LAMA2: variants seen among roughly 807,000 people sequenced by gnomAD.
The protein encoded by LAMA2 is laminin subunit alpha 2.
A neutral mutation model predicts 364.8 loss-of-function variants in LAMA2; 269 were observed. The ratio of observed to expected loss-of-function variants is 0.74; its 90% confidence interval spans 0.67 to 0.82. The LOEUF is 0.82. LAMA2 is among the 40% of genes least tolerant of loss of function. LAMA2 has a pLI of 0.00. For synonymous variants in LAMA2, 1,379 were observed against 1,370.6 expected (o/e 1.01, Z -0.14); for missense variants, 3,807 against 3,873.2 (o/e 0.98, Z 0.45).
In LAMA2 at chr6:128,921,035, A is replaced by G. The variant is rs80070908; in HGVS notation, c.112+37678A>G. 2.0e-3 allele frequency among the ~76,000 whole-genome samples: 300 copies of G among 152,312 alleles called. 1 individual carries two copies. Among genetic ancestry groups the G allele is most frequent in the African/African-American group, 6.9e-3 (285 of 41,578 alleles). ...CACTATTGCTTGCACTTATCTTAGCAGGGGCACTTAAAAAGCCTGAAACGC... is the reference window on the plus strand; with the variant it reads ...CACTATTGCTTGCACTTATCTTAGCGGGGGCACTTAAAAAGCCTGAAACGC... On this transcript the variant is annotated intron_variant, in intron 1 of 64. Coordinates refer to ENST00000421865, the MANE Select transcript of LAMA2 (RefSeq NM_000426.4).
chr6:129,140,032 C>G (rs1345827215), intron 4 of LAMA2, among the ~76,000 whole-genome samples: 2 of 152,154 alleles, frequency 1.3e-5, no homozygotes, highest in Non-Finnish European at 2.9e-5. Flanking sequence ...TCCATTCACT[C>G]AAGAAACTTG....
At chr6:128,904,171 G>A (rs550005816) in intron 1 of LAMA2, among the ~76,000 whole-genome samples, 1 of 152,062 alleles carries the variant, frequency 6.6e-6, no homozygotes, top group African/African-American at 2.4e-5. Context: ...CACCTCCTCC[G>A]CCTCTTTTCT....
At chr6:128,936,051 C>T (rs568165038) in intron 1 of LAMA2, among the ~76,000 whole-genome samples, 149 of 152,342 alleles carry the variant, frequency 9.8e-4, no homozygotes, top group South Asian at 4.8e-3. Flanking sequence ...CTTCCCCCTT[C>T]GCTTGGCACT....
intron 6 of LAMA2, among the ~76,000 whole-genome samples, chr6:129,148,524 A>T (rs2114967026): frequency 1.3e-5 from 2 of 152,202 alleles, no homozygotes; most frequent in East Asian, 1.9e-4. Context: ...GAGCATGCAC[A>T]GACAGGAGAT....
chr6:129,030,005 A>G (rs1388293774), intron 1 of LAMA2, among the ~76,000 whole-genome samples: 1 of 152,048 alleles, frequency 6.6e-6, no homozygotes, highest in Non-Finnish European at 1.5e-5. Context: ...ACTCAGAATC[A>G]GTTCCTTCCT....
At position 129,453,098 on chromosome 6, in the gene LAMA2, T is replaced by A. The variant is rs1782769497; in HGVS notation, c.6540T>A (p.Asp2180Glu). The change falls in exon 46 of 65, where the codon GAT becomes GAA. Residue 2180 changes from aspartate to glutamate, a missense_variant. By Grantham distance (45) the Asp-to-Glu change is conservative (BLOSUM62 2). Around this residue, in one of 3 missense-constraint regions of LAMA2, gnomAD observed 3,333 missense variants for 3,345.7 expected, o/e 1.00. Transcript: ENST00000421865. ...TCAACGTAAAGACAGCTGTTGCTGATAACCTCCTCTTTTATCTTGGAAGTG... is the reference window on the plus strand; with the variant it reads ...TCAACGTAAAGACAGCTGTTGCTGAAAACCTCCTCTTTTATCTTGGAAGTG... ...IVVNVKTAVA[D>E]NLLFYLGSAK... 1 of 1,613,172 alleles carries A rather than the reference T, an allele frequency of 6.2e-7. No homozygotes were observed. The highest frequency in any genetic ancestry group is 8.5e-7 in the Non-Finnish European group (1 of 1,179,476).
At chr6:128,887,589 C>T (rs1386498003) in intron 1 of LAMA2, among the ~76,000 whole-genome samples, 1 of 152,072 alleles carries the variant, frequency 6.6e-6, no homozygotes, top group Non-Finnish European at 1.5e-5. Context: ...ATGCTGGGGG[C>T]TGGGCAAGGT....
At chr6:129,473,386 G>A (rs748835227) in intron 52 of LAMA2, 34 bp downstream of exon 52, 1 of 1,596,688 alleles carries the variant, frequency 6.3e-7, no homozygotes, top group Non-Finnish European at 8.6e-7. Flanking sequence ...TAAGGATTAA[G>A]TTTTAATTAA....
intron 40 of LAMA2, among the ~76,000 whole-genome samples, chr6:129,422,302 G>T (rs945369431): frequency 6.6e-6 from 1 of 152,052 alleles, no homozygotes; most frequent in Admixed American, 6.6e-5. Flanking sequence ...AAAAAAAATT[G>T]CCTGGAAGCA....
chr6:129,098,081 A>G, intron 3 of LAMA2, 92 bp from the exon 4 acceptor site: 1 of 1,316,984 alleles, frequency 7.6e-7, no homozygotes, highest in Non-Finnish European at 1.1e-6. Flanking sequence ...AATCTGAAAT[A>G]AAATCTACTG....
intron 1 of LAMA2, among the ~76,000 whole-genome samples, chr6:128,923,690 A>C (rs1440310085): frequency 6.6e-6 from 1 of 152,178 alleles, no homozygotes. Flanking sequence ...ACAATTACTC[A>C]ATCACTAATC....
At chr6:129,356,612 C>G (rs1247660106) in intron 32 of LAMA2, among the ~76,000 whole-genome samples, 1 of 152,052 alleles carries the variant, frequency 6.6e-6, no homozygotes, top group East Asian at 1.9e-4. Context: ...TTCTTAACCT[C>G]TATGCTGGCT....
chr6:129,354,208 G>A (rs1777026771), intron 32 of LAMA2, among the ~76,000 whole-genome samples: 1 of 152,070 alleles, frequency 6.6e-6, no homozygotes, highest in Non-Finnish European at 1.5e-5. Context: ...ATCTTAAATA[G>A]AAGAATTTTT....
intron 16 of LAMA2, among the ~76,000 whole-genome samples, chr6:129,267,525 A>G (rs1055069509): frequency 6.6e-6 from 1 of 152,104 alleles, no homozygotes; most frequent in Non-Finnish European, 1.5e-5. Context: ...ACTTTCTTCC[A>G]TAAATCTATG....
At chr6:129,331,003 G>A (rs945403840) in intron 29 of LAMA2, among the ~76,000 whole-genome samples, 1 of 152,026 alleles carries the variant, frequency 6.6e-6, no homozygotes. Flanking sequence ...TGAGTAGCTG[G>A]AACTACAGGT....
chr6:129,339,879 T>C (rs1297578120), intron 29 of LAMA2, among the ~76,000 whole-genome samples: 1 of 152,000 alleles, frequency 6.6e-6, no homozygotes, highest in East Asian at 1.9e-4. Context: ...TACGCATGCC[T>C]GTAATCTCAG....
chr6:129,447,207 A>G (rs1782431048), intron 45 of LAMA2, among the ~76,000 whole-genome samples: 1 of 152,250 alleles, frequency 6.6e-6, no homozygotes, highest in South Asian at 2.1e-4. Context: ...AAAATAAAAT[A>G]TGTACACGTA....
intron 41 of LAMA2, among the ~76,000 whole-genome samples, chr6:129,435,736 A>T (rs1245165231): frequency 1.3e-5 from 2 of 152,198 alleles, no homozygotes; most frequent in African/African-American, 4.8e-5. Context: ...AAAACCCTTT[A>T]TATGAAGTGG....
At chr6:128,911,165 C>G (rs189921141) in intron 1 of LAMA2, among the ~76,000 whole-genome samples, 40 of 152,164 alleles carry the variant, frequency 2.6e-4, no homozygotes, top group African/African-American at 9.7e-4. Context: ...TGGGCTACAC[C>G]CAGTTCGAGC....
Sources: allele counts gnomAD v4.1 joint callset (sites outside exome capture counted in the v4.1 genomes callset), GRCh38; gene constraint gnomAD v4.1.1; regional missense constraint gnomAD v4.1.1; transcripts MANE v1.5; gene names NCBI Gene and HGNC (gene_info 2026-07-23, HGNC 2026-07-21).